Variants in SPG11 observed in about 807,000 individuals in gnomAD.
SPG11 encodes SPG11 vesicle trafficking associated, spatacsin.
SPG11 carries 222 observed loss-of-function variants against 274.0 expected under a neutral mutation model. The observed-to-expected ratio is 0.81, with a 90% CI of 0.73 to 0.91. The LOEUF (loss-of-function observed/expected upper bound fraction) is 0.91. Among genes scored for constraint, SPG11 ranks in the 40% least tolerant of loss-of-function variants. The probability of loss-of-function intolerance (pLI) is 0.00; values close to 1 mark genes in which losing one functional copy is unlikely to be tolerated. For missense variants in SPG11, 3,114 were observed against 2,872.7 expected (o/e 1.08, Z -1.92); for synonymous variants, 1,144 against 1,039.7 (o/e 1.10, Z -1.93).
At chr15:44,573,217 C>A in intron 32 of SPG11, 1 of 514,272 alleles carries the variant, frequency 1.9e-6, no homozygotes. Context: ...TATCTCCTGA[C>A]CTCGTGATCT....
chr15:44,640,367 T>C (rs1460840007), intron 7 of SPG11, among the ~76,000 whole-genome samples: 1 of 152,090 alleles, frequency 6.6e-6, no homozygotes, highest in Non-Finnish European at 1.5e-5. Context: ...AATAAAGACC[T>C]GCCCCGCCCC....
Position 44,610,963 on chromosome 15 carries a change from A to G in SPG11, c.3168T>C (p.Ala1056=), listed in dbSNP as rs2083444214. ...TCAAAATCTGAGCATTTGCAAGGCT[A>G]GCCTGGAAGATCAGTTTGGGATCTG... ...NLTDPKLIFQ[A]SLANAQILIP... is the part of the protein sequence containing the mutation. The change falls in exon 18 of 40, where the codon GCT becomes GCC. Residue 1056 remains alanine (A), a synonymous_variant. Transcript: ENST00000261866. The G allele has an allele frequency of 6.2e-7, 1 of 1,614,078 alleles. No homozygotes were observed. The highest frequency in any genetic ancestry group is 8.5e-7 in the Non-Finnish European group (1 of 1,180,010).
At chr15:44,565,592 C>T (rs1172772420) in intron 38 of SPG11, among the ~76,000 whole-genome samples, 1 of 152,180 alleles carries the variant, frequency 6.6e-6, no homozygotes, top group African/African-American at 2.4e-5. Flanking sequence ...GGTTAAAGGG[C>T]CAAAGGTGTC....
At chr15:44,612,588 G>A (rs1418952715) in intron 17 of SPG11, among the ~76,000 whole-genome samples, 1 of 151,902 alleles carries the variant, frequency 6.6e-6, no homozygotes, top group Non-Finnish European at 1.5e-5. Flanking sequence ...GTAGAGACAG[G>A]GTCTTGCTAT....
chr15:44,651,602 T>C lies in SPG11; in HGVS notation c.1345A>G (p.Thr449Ala). 2.5e-6 allele frequency: 4 copies of C among 1,614,212 alleles called. No individual in the cohort carries two copies. Among genetic ancestry groups the C allele is most frequent in the Non-Finnish European group, 3.4e-6 (4 of 1,180,044 alleles). ...GTCTCCAAATCCCAGAGGGTAATGGTATAGCCCATCCTTTCCACTTCCCAA... is the reference window on the plus strand; with the variant it reads ...GTCTCCAAATCCCAGAGGGTAATGGCATAGCCCATCCTTTCCACTTCCCAA... Reference protein sequence around the residue: ...FTWEVERMGYTITLWDLETQG... With the variant: ...FTWEVERMGYAITLWDLETQG... The change falls in exon 6 of 40, where the codon ACC (threonine) becomes GCC (alanine). Residue 449 changes from threonine to alanine, a missense_variant. Thr to Ala is a moderately conservative substitution (Grantham distance 58). Transcript: ENST00000261866.
At chr15:44,592,788 C>T (rs1194847371) in intron 26 of SPG11, among the ~76,000 whole-genome samples, 2 of 152,050 alleles carry the variant, frequency 1.3e-5, no homozygotes, top group Non-Finnish European at 2.9e-5. Context: ...CCACTGCATT[C>T]CATCCTGGGC....
At chr15:44,563,397 G>A (rs866677641) in intron 39 of SPG11, 96 bp from the exon 40 acceptor site, 44 of 1,186,034 alleles carry the variant, frequency 3.7e-5, no homozygotes, top group Middle Eastern at 5.6e-4. Flanking sequence ...GGAGTGCAGA[G>A]GAGCAGTCTT....
intron 39 of SPG11, among the ~76,000 whole-genome samples, chr15:44,563,549 G>A (rs549921346): frequency 2.6e-5 from 4 of 152,194 alleles, no homozygotes; most frequent in South Asian, 4.1e-4. Context: ...TGTTGGCTAG[G>A]CTGGTGTTGA....
chr15:44,621,778 G>T lies in SPG11; in HGVS notation c.2601C>A (p.Leu867=), dbSNP rs1307728264. ...ACTTGCCTTCTGGACTTATCCTGGG[G>T]AGAAGGATGGATTCTTGTGTTAGTT... The part of the protein sequence containing the change: ...WDQLTQESIL[L]PRISPEEYKS... The change falls in exon 14 of 40, where the codon CTC becomes CTA. Residue 867 remains leucine (L), a synonymous_variant. Coordinates refer to ENST00000261866, the MANE Select transcript of SPG11 (RefSeq NM_025137.4). The T allele has an allele frequency of 1.2e-6, 2 of 1,613,744 alleles. No individual in the cohort carries two copies. Among genetic ancestry groups the T allele is most frequent in the Non-Finnish European group, 1.7e-6 (2 of 1,179,920 alleles).
chr15:44,645,753 TAAAC>T (rs1480642353), intron 7 of SPG11, among the ~76,000 whole-genome samples: 1 of 152,052 alleles, frequency 6.6e-6, no homozygotes, highest in African/African-American at 2.4e-5. Flanking sequence ...GTAAGGAACT[TAAAC>T]AAATTAACAA....
In SPG11 at chr15:44,659,219, A is replaced by G. The variant is rs2085031500; in HGVS notation, c.527T>C (p.Ile176Thr). 2 of 1,614,218 alleles carry G rather than the reference A, an allele frequency of 1.2e-6. No individual in the cohort carries two copies. Among genetic ancestry groups the G allele is most frequent in the South Asian group, 1.1e-5 (1 of 91,092 alleles). The change falls in exon 3 of 40, where the codon ATT becomes ACT. Residue 176 changes from isoleucine (I) to threonine (T), a missense_variant. By Grantham distance (89) the Ile-to-Thr change is moderately conservative. Coordinates refer to ENST00000261866, the MANE Select transcript of SPG11 (RefSeq NM_025137.4). ...TGCAGCATCTCTTTCAGGAAATATAATATGTAGGATGACACATTTGTTGAT... is the reference window on the plus strand; with the variant it reads ...TGCAGCATCTCTTTCAGGAAATATAGTATGTAGGATGACACATTTGTTGAT... ...LFINKCVILH[I>T]IFPERDAAIR...
intron 30 of SPG11, among the ~76,000 whole-genome samples, chr15:44,580,458 G>GAGAGAAAA (rs2082637067): frequency 6.6e-6 from 1 of 152,142 alleles, no homozygotes; most frequent in African/African-American, 2.4e-5. Context: ...TATCCAATCT[G>GAGAGAAAA]AACAACAGAG....
intron 30 of SPG11, among the ~76,000 whole-genome samples, chr15:44,582,909 T>C (rs1427825892): frequency 6.6e-6 from 1 of 152,184 alleles, no homozygotes; most frequent in Non-Finnish European, 1.5e-5. Flanking sequence ...CTACAGCTAA[T>C]ACCATACTTA....
rs769001849 is a variant in SPG11 at position 44,584,366 on chromosome 15, G to A, written c.5314C>T (p.Arg1772Cys). Residue 1772 changes from arginine (R) to cysteine (C), a missense_variant, in exon 30 of 40, where the codon CGC (arginine) becomes TGC (cysteine). Physicochemically the swap from Arg to Cys is radical, Grantham distance 180. Transcript: ENST00000261866. ...CCTGCCAAGGTGAGCAGCAGATGGC[G>A]CTCCTCCATGCTGCTCCATCCAGTT... ...HPTGWSSMEERHLLLTLAGHW... is the reference protein window; with the variant it reads ...HPTGWSSMEECHLLLTLAGHW... 14 of 1,611,532 alleles carry A rather than the reference G, an allele frequency of 8.7e-6. No individual in the cohort carries two copies. The South Asian group carries it at 8.8e-5, about 10-fold the overall frequency.
At chr15:44,655,857 G>A (rs535512162) in intron 4 of SPG11, among the ~76,000 whole-genome samples, 1 of 152,134 alleles carries the variant, frequency 6.6e-6, no homozygotes, top group African/African-American at 2.4e-5. Context: ...GCCCAGTGAG[G>A]GAGTAATAAC....
intron 8 of SPG11, among the ~76,000 whole-genome samples, chr15:44,630,025 T>C (rs2084013298): frequency 6.6e-6 from 1 of 150,880 alleles, no homozygotes; most frequent in African/African-American, 2.4e-5. Flanking sequence ...GAGCCAAGAT[T>C]GTGCCACCGT....
At chr15:44,654,192 AC>A (rs1413535485) in intron 4 of SPG11, among the ~76,000 whole-genome samples, 2 of 152,182 alleles carry the variant, frequency 1.3e-5, no homozygotes, top group Non-Finnish European at 2.9e-5. Flanking sequence ...CATAGTTACT[AC>A]TCTATCATTT....
At chr15:44,642,287 C>A (rs542898368) in intron 7 of SPG11, among the ~76,000 whole-genome samples, 2 of 150,204 alleles carry the variant, frequency 1.3e-5, no homozygotes, top group Non-Finnish European at 3.0e-5. Context: ...ATCACTTGAA[C>A]CCAGAAGGCA....
intron 37 of SPG11, 84 bp downstream of exon 37, chr15:44,566,133 T>G (rs754526531): frequency 1.9e-6 from 3 of 1,591,516 alleles, no homozygotes; most frequent in Non-Finnish European, 2.6e-6. Flanking sequence ...CCGCTTCACC[T>G]GGAAAGAGCC....
Sources: gnomAD v4.1 joint callset for allele counts (sites outside exome capture counted in the v4.1 genomes callset) on GRCh38, gnomAD v4.1.1 for gene constraint, MANE v1.5 for transcripts, NCBI Gene and HGNC (gene_info 2026-07-23, HGNC 2026-07-21) for gene names.